ANO3: variants seen among roughly 807,000 people sequenced by gnomAD.
ANO3 encodes the protein anoctamin-3.
In ANO3, 99 loss-of-function variants were observed where a neutral mutation model predicts 144.8. The observed-to-expected ratio is 0.68, with a 90% CI of 0.58 to 0.81. The LOEUF (loss-of-function observed/expected upper bound fraction) is 0.81. ANO3 is among the 30% of genes least tolerant of loss of function. The pLI, the probability that ANO3 is intolerant of heterozygous loss-of-function variation, is 0.00. For missense variants in ANO3, 905 were observed against 1,202.2 expected (o/e 0.75, Z 3.66); for synonymous variants, 414 against 392.6 (o/e 1.05, Z -0.64).
At chr11:26,288,250 C>G (rs1013402547) in intron 1 of ANO3, among the ~76,000 whole-genome samples, 2 of 152,096 alleles carry the variant, frequency 1.3e-5, no homozygotes, top group South Asian at 2.1e-4. Flanking sequence ...GAATCATCAG[C>G]CTGCTTTTAA....
intron 14 of ANO3, among the ~76,000 whole-genome samples, chr11:26,592,421 A>G (rs1428761889): frequency 1.3e-5 from 2 of 151,900 alleles, no homozygotes; most frequent in African/African-American, 4.8e-5. Flanking sequence ...GACACTCTGT[A>G]AGCCTTGGGG....
At chr11:26,339,152 C>CT (rs983569207) in intron 1 of ANO3, among the ~76,000 whole-genome samples, 602 of 144,652 alleles carry the variant, frequency 4.2e-3, no homozygotes, top group Middle Eastern at 7.2e-3. Context: ...CCAAAGTCCA[C>CT]TTTTTTTTTT....
At chr11:26,228,889 A>C (rs1461080669) in intron 1 of ANO3, among the ~76,000 whole-genome samples, 1 of 152,178 alleles carries the variant, frequency 6.6e-6, no homozygotes, top group Non-Finnish European at 1.5e-5. Context: ...ACAATAGATA[A>C]ATTGTCAAAC....
At chr11:26,623,967 T>C (rs1852500051) in intron 17 of ANO3, among the ~76,000 whole-genome samples, 1 of 152,022 alleles carries the variant, frequency 6.6e-6, no homozygotes, top group South Asian at 2.1e-4. Flanking sequence ...TTTGTATTTT[T>C]AGTAGAGACG....
chr11:26,222,594 C>T (rs568405909), intron 1 of ANO3, among the ~76,000 whole-genome samples: 2 of 152,362 alleles, frequency 1.3e-5, no homozygotes, highest in African/African-American at 4.8e-5. Flanking sequence ...ACCCCTGCAG[C>T]AGGTTTCTGC....
chr11:26,399,171 C>T (rs1243170877), intron 1 of ANO3, among the ~76,000 whole-genome samples: 2 of 151,780 alleles, frequency 1.3e-5, no homozygotes, highest in Admixed American at 1.3e-4. Context: ...TGTCTCATAG[C>T]CCCATGTTAC....
chr11:26,553,230 G>C lies in ANO3; in HGVS notation c.1290-19G>C. Reference sequence around the variant, plus strand: ...TCATGCTATGTTTTGTTTTGTTTTTGTTTTTGTTTTTTCTCAAGCCAAGAA... The same window carrying C: ...TCATGCTATGTTTTGTTTTGTTTTTCTTTTTGTTTTTTCTCAAGCCAAGAA... On this transcript the variant is annotated intron_variant, in intron 12 of 26. Transcript: ENST00000256737. The C allele has an allele frequency of 8.4e-7, 1 of 1,197,228 alleles. No individual in the cohort carries two copies. Among genetic ancestry groups the C allele is most frequent in the East Asian group, 2.6e-5 (1 of 38,286 alleles). The allele number at this position is 1,197,228 out of a possible 1,614,324, so 74.2% of individuals were successfully genotyped here. A position where few individuals can be genotyped will look rare whatever the true frequency, so the allele number is the denominator to read the frequency against.
chr11:26,595,478 T>G (rs1295374121), intron 14 of ANO3, among the ~76,000 whole-genome samples: 4 of 147,620 alleles, frequency 2.7e-5, no homozygotes, highest in African/African-American at 1.0e-4. Context: ...TTTTTTTTTT[T>G]TTTTTTTTTA....
At chr11:26,431,850 G>A (rs897872187) in intron 1 of ANO3, among the ~76,000 whole-genome samples, 1 of 152,180 alleles carries the variant, frequency 6.6e-6, no homozygotes, top group African/African-American at 2.4e-5. Context: ...ATTGTGAGCA[G>A]TGCTGCAAAG....
intron 7 of ANO3, 38 bp from the exon 8 acceptor site, chr11:26,531,167 A>T (rs1408122068): frequency 6.2e-7 from 1 of 1,609,580 alleles, no homozygotes; most frequent in African/African-American, 1.3e-5. Context: ...GCTTTGGAAT[A>T]CAACCTAATC....
chr11:26,284,921 A>T (rs1853767661), intron 1 of ANO3, among the ~76,000 whole-genome samples: 1 of 152,160 alleles, frequency 6.6e-6, no homozygotes, highest in South Asian at 2.1e-4. Flanking sequence ...AAAGAAAAAG[A>T]TGCATATTTT....
intron 1 of ANO3, among the ~76,000 whole-genome samples, chr11:26,323,505 G>T (rs1419143268): frequency 6.6e-6 from 1 of 152,028 alleles, no homozygotes; most frequent in East Asian, 1.9e-4. Flanking sequence ...ATGGGAAGGA[G>T]CATCTTTTCT....
Position 26,624,426 on chromosome 11 carries a change from G to A in ANO3, c.1837-36G>A, listed in dbSNP as rs769954541. On this transcript the variant is annotated intron_variant, in intron 17 of 26. Transcript: ENST00000256737. ...AAATACCAGCCTTTTCCAAAAGAGA[G>A]GAATAATGTTCACTATGTATTCTCT... The A allele has an allele frequency of 1.1e-5, 16 of 1,497,902 alleles. No homozygotes were observed. The South Asian group carries it at 1.3e-4, about 12-fold the overall frequency. The allele number at this position is 1,497,902 out of a possible 1,614,324, so 92.8% of individuals were successfully genotyped here.
intron 1 of ANO3, among the ~76,000 whole-genome samples, chr11:26,410,797 C>A (rs573722966): frequency 6.6e-6 from 1 of 151,950 alleles, no homozygotes; most frequent in Non-Finnish European, 1.5e-5. Context: ...CCGAGGGAGC[C>A]ATTGACAATT....
chr11:26,499,596 T>C (rs1861108204), intron 4 of ANO3, among the ~76,000 whole-genome samples: 1 of 151,782 alleles, frequency 6.6e-6, no homozygotes, highest in South Asian at 2.1e-4. Flanking sequence ...ATATCAATCA[T>C]ATACATACTG....
intron 4 of ANO3, among the ~76,000 whole-genome samples, chr11:26,504,291 C>T (rs1223640978): frequency 6.6e-6 from 1 of 151,918 alleles, no homozygotes; most frequent in African/African-American, 2.4e-5. Flanking sequence ...GGCCAGTATT[C>T]TTGAGGTTAA....
At chr11:26,434,911 G>A (rs1337700004) in intron 1 of ANO3, among the ~76,000 whole-genome samples, 1 of 152,140 alleles carries the variant, frequency 6.6e-6, no homozygotes, top group Middle Eastern at 3.2e-3. Flanking sequence ...TTTTGGGGTG[G>A]AGAGTTCTGT....
intron 22 of ANO3, among the ~76,000 whole-genome samples, chr11:26,642,303 A>G (rs1460021634): frequency 1.3e-5 from 2 of 151,600 alleles, no homozygotes; most frequent in African/African-American, 4.8e-5. Context: ...AAACAAAATA[A>G]TGCTGAACCA....
chr11:26,213,162 C>A (rs1285958562), intron 1 of ANO3, among the ~76,000 whole-genome samples: 2 of 152,088 alleles, frequency 1.3e-5, no homozygotes, highest in Non-Finnish European at 2.9e-5. Context: ...TATGACAAAG[C>A]CACAGCCAGT....
Sources: allele counts gnomAD v4.1 joint callset (sites outside exome capture counted in the v4.1 genomes callset), GRCh38; gene constraint gnomAD v4.1.1; transcripts MANE v1.5; gene names NCBI Gene and HGNC (gene_info 2026-07-23, HGNC 2026-07-21).